Variants in CCDC91 observed in about 807,000 individuals in gnomAD.
The protein encoded by CCDC91 is coiled-coil domain containing 91, also known as coiled-coil domain-containing protein 91.
Under a neutral mutation model 63.2 loss-of-function variants are expected in CCDC91, and 48 were observed. The ratio of observed to expected loss-of-function variants is 0.76; its 90% confidence interval spans 0.60 to 0.97. CCDC91 has a LOEUF of 0.97. Among genes scored for constraint, CCDC91 ranks in the 50% least tolerant of loss-of-function variants. The probability of loss-of-function intolerance (pLI) is 0.00; values close to 1 mark genes in which losing one functional copy is unlikely to be tolerated. For synonymous variants in CCDC91, 167 were observed against 165.8 expected (o/e 1.01, Z -0.06); for missense variants, 500 against 494.6 (o/e 1.01, Z -0.10).
intron 3 of CCDC91, among the ~76,000 whole-genome samples, chr12:28,262,313 C>T (rs1420467507): frequency 6.6e-6 from 1 of 151,946 alleles, no homozygotes; most frequent in Non-Finnish European, 1.5e-5. Context: ...AGCTTAAAAT[C>T]CAAGAAGAGC....
At chr12:28,524,230 C>T (rs1042650489) in intron 12 of CCDC91, among the ~76,000 whole-genome samples, 1 of 152,072 alleles carries the variant, frequency 6.6e-6, no homozygotes, top group Non-Finnish European at 1.5e-5. Flanking sequence ...TTCAACTTTT[C>T]CCCGTTCAGT....
chr12:28,547,001 G>C (rs1257798888), intron 12 of CCDC91, among the ~76,000 whole-genome samples: 1 of 152,074 alleles, frequency 6.6e-6, no homozygotes, highest in African/African-American at 2.4e-5. Context: ...ATGAAATACA[G>C]TTAAGCAATT....
At chr12:28,239,919 C>G (rs1373094561) in intron 1 of CCDC91, among the ~76,000 whole-genome samples, 1 of 152,074 alleles carries the variant, frequency 6.6e-6, no homozygotes, top group African/African-American at 2.4e-5. Context: ...ATCTGGAGAA[C>G]AGTGTTGCTC....
chr12:28,287,579 G>C (rs944720158), intron 3 of CCDC91, among the ~76,000 whole-genome samples: 4 of 152,120 alleles, frequency 2.6e-5, no homozygotes, highest in Non-Finnish European at 5.9e-5. Context: ...ATCTGTTTTT[G>C]TAGCAATAGC....
chr12:28,248,153 G>A (rs1457117609), intron 1 of CCDC91, among the ~76,000 whole-genome samples: 1 of 152,166 alleles, frequency 6.6e-6, no homozygotes, highest in African/African-American at 2.4e-5. Flanking sequence ...ATGACTGCAA[G>A]TTTTCTTCTT....
intron 6 of CCDC91, among the ~76,000 whole-genome samples, 158 bp from the exon 7 acceptor site, chr12:28,362,280 T>TTA (rs71438746): frequency 0.5 from 65,311 of 131,720 alleles, 17,961 homozygotes; most frequent in Non-Finnish European, 0.56. Flanking sequence ...AAGCAAAGCT[T>TTA]TATATATATA....
chr12:28,339,147 T>C (rs749375270), intron 6 of CCDC91, among the ~76,000 whole-genome samples: 4 of 152,156 alleles, frequency 2.6e-5, no homozygotes, highest in Non-Finnish European at 5.9e-5. Context: ...AACTGGATTC[T>C]GGTATATATT....
chr12:28,366,547 A>T (rs749938909), intron 7 of CCDC91, among the ~76,000 whole-genome samples: 3 of 152,196 alleles, frequency 2.0e-5, no homozygotes, highest in Non-Finnish European at 4.4e-5. Flanking sequence ...CTATCTCCTC[A>T]CTGGGGTGGT....
At chr12:28,452,273 C>T (rs1407007245) in intron 10 of CCDC91, among the ~76,000 whole-genome samples, 1 of 151,178 alleles carries the variant, frequency 6.6e-6, no homozygotes, top group African/African-American at 2.4e-5. Context: ...ATTAGAAATG[C>T]CATGGAAATT....
chr12:28,543,467 G>T (rs548960532), intron 12 of CCDC91, among the ~76,000 whole-genome samples: 1 of 152,036 alleles, frequency 6.6e-6, no homozygotes, highest in South Asian at 2.1e-4. Context: ...TGTTTCTAGT[G>T]ATAAGCAGAA....
At chr12:28,488,442 T>C (rs1951834385) in intron 12 of CCDC91, among the ~76,000 whole-genome samples, 1 of 151,862 alleles carries the variant, frequency 6.6e-6, no homozygotes, top group Non-Finnish European at 1.5e-5. Flanking sequence ...GCTTTTAAAA[T>C]GATCAACCAG....
chr12:28,211,261 A>C (rs1257532600), intron 1 of CCDC91, among the ~76,000 whole-genome samples: 2 of 151,954 alleles, frequency 1.3e-5, no homozygotes, highest in East Asian at 3.9e-4. Context: ...CTTTGCCAAC[A>C]TGCCAAGCCT....
chr12:28,220,432 A>G (rs1433515381), intron 1 of CCDC91, among the ~76,000 whole-genome samples: 1 of 152,014 alleles, frequency 6.6e-6, no homozygotes, highest in African/African-American at 2.4e-5. Context: ...TTACTTCTAC[A>G]TATTCTATAA....
chr12:28,321,472 C>G (rs774833473), intron 6 of CCDC91, among the ~76,000 whole-genome samples: 6 of 151,758 alleles, frequency 4.0e-5, no homozygotes, highest in Non-Finnish European at 8.8e-5. Flanking sequence ...AATGGTTTCC[C>G]CCTAAAATTC....
At chr12:28,381,487 C>T (rs1340097638) in intron 7 of CCDC91, among the ~76,000 whole-genome samples, 1 of 151,976 alleles carries the variant, frequency 6.6e-6, no homozygotes, top group African/African-American at 2.4e-5. Flanking sequence ...ATTTGGGCAT[C>T]AGTCTTCTCT....
intron 2 of CCDC91, among the ~76,000 whole-genome samples, chr12:28,259,011 A>G (rs969155097): frequency 1.3e-5 from 2 of 152,012 alleles, no homozygotes; most frequent in Non-Finnish European, 2.9e-5. Context: ...TTTAAAGACA[A>G]ATATTTTTCC....
intron 7 of CCDC91, among the ~76,000 whole-genome samples, chr12:28,375,465 A>G (rs1944889455): frequency 6.6e-6 from 1 of 151,910 alleles, no homozygotes; most frequent in African/African-American, 2.4e-5. Context: ...GCTCAGTTAA[A>G]GGCAGCATTC....
At chr12:28,285,829 G>A (rs189462543) in intron 3 of CCDC91, among the ~76,000 whole-genome samples, 197 of 151,604 alleles carry the variant, frequency 1.3e-3, no homozygotes, top group Non-Finnish European at 2.1e-4. Context: ...CTTTATTTAG[G>A]AGACTTTGCA....
intron 1 of CCDC91, among the ~76,000 whole-genome samples, chr12:28,219,866 A>T (rs1017841503): frequency 6.6e-6 from 1 of 152,178 alleles, no homozygotes; most frequent in East Asian, 1.9e-4. Flanking sequence ...TTTATCTGTC[A>T]TTATGAAATT....
Sources: gnomAD v4.1 joint callset for allele counts (sites outside exome capture counted in the v4.1 genomes callset) on GRCh38, gnomAD v4.1.1 for gene constraint, MANE v1.5 for transcripts, NCBI Gene and HGNC (gene_info 2026-07-23, HGNC 2026-07-21) for gene names.